TMEM74: variants seen among roughly 807,000 people sequenced by gnomAD.
TMEM74 encodes transmembrane protein 74.
Under a neutral mutation model 18.1 loss-of-function variants are expected in TMEM74, and 13 were observed. That is an observed-to-expected ratio of 0.72 (90% confidence interval 0.47 to 1.14). The LOEUF is 1.14. Among genes scored for constraint, TMEM74 ranks in the 50% most tolerant of loss-of-function variants. The probability of loss-of-function intolerance (pLI) is 0.00; values close to 1 mark genes in which losing one functional copy is unlikely to be tolerated. For missense variants in TMEM74, 372 were observed against 375.9 expected, an observed-to-expected ratio of 0.99 and a Z score of 0.09; for synonymous variants, 159 against 146.6, an observed-to-expected ratio of 1.08 and a Z score of -0.61.
At chr8:108,766,189 G>T (rs1217685765) in intron 1 of TMEM74, among the ~76,000 whole-genome samples, 1 of 151,022 alleles carries the variant, frequency 6.6e-6, no homozygotes, top group Non-Finnish European at 1.5e-5. Flanking sequence ...TAATTTGGGG[G>T]TTATTTCTCC....
intron 1 of TMEM74, among the ~76,000 whole-genome samples, chr8:108,750,636 C>T (rs926746870): frequency 2.0e-5 from 3 of 152,060 alleles, no homozygotes; most frequent in South Asian, 2.1e-4. Flanking sequence ...TGGGCATACA[C>T]ATTAAGAGAC....
At position 108,784,838 on chromosome 8, in the gene TMEM74, G is replaced by A. The variant is rs1441777138; in HGVS notation, c.261C>T (p.His87=). 6.2e-7 allele frequency: 1 copy of A among 1,614,224 alleles called. No individual in the cohort carries two copies. The highest frequency in any genetic ancestry group is 1.7e-5 in the Admixed American group (1 of 60,022). Reference sequence around the variant, plus strand: ...CCGCTGTTATTTGGTTGTTCCCTGAGTGGAGAAGTCCTGGTGGAAAGGCAT... The same window carrying A: ...CCGCTGTTATTTGGTTGTTCCCTGAATGGAGAAGTCCTGGTGGAAAGGCAT... ...QPDAFPPGLL[H]SGNNQITAER... Residue 87 remains histidine, a synonymous_variant, in exon 2 of 2, where the codon CAC becomes CAT. Coordinates refer to ENST00000297459, the MANE Select transcript of TMEM74 (RefSeq NM_153015.3).
chr8:108,721,308 T>G (rs2935791), intron 1 of TMEM74, among the ~76,000 whole-genome samples: 2 of 152,038 alleles, frequency 1.3e-5, no homozygotes, highest in Non-Finnish European at 1.5e-5. Flanking sequence ...TAGAATCTTA[T>G]CAAATTCCAG....
rs1814269806 is a variant in TMEM74 at position 108,778,981 on chromosome 8, T to C, written c.*5200A>G. On this transcript the variant is annotated 3_prime_UTR_variant, in exon 2 of 2. Transcript: ENST00000297459. ...AAGAATGACAAACCTAAATTAGGGG[T>C]AAATATTCATTTTAATTTTTTTGGA... is the stretch of plus-strand genomic sequence containing the variant. Among the ~76,000 whole-genome samples, 1 of 152,154 alleles carries C rather than the reference T, an allele frequency of 6.6e-6. No individual in the cohort carries two copies. The highest frequency in any genetic ancestry group is 2.4e-5 in the African/African-American group (1 of 41,458).
intron 1 of TMEM74, among the ~76,000 whole-genome samples, chr8:108,719,216 C>T (rs1291750100): frequency 2.0e-5 from 3 of 152,158 alleles, no homozygotes; most frequent in African/African-American, 7.2e-5. Flanking sequence ...CGCATAAACA[C>T]ACAAACATTT....
intron 1 of TMEM74, among the ~76,000 whole-genome samples, chr8:108,676,307 C>A (rs758789124): frequency 1.4e-4 from 21 of 152,302 alleles, no homozygotes; most frequent in South Asian, 1.2e-3. Context: ...AAAATCCCTC[C>A]AATGGGACCC....
intron 1 of TMEM74, among the ~76,000 whole-genome samples, chr8:108,658,719 A>G (rs995628936): frequency 1.3e-5 from 2 of 152,186 alleles, no homozygotes; most frequent in African/African-American, 4.8e-5. Flanking sequence ...TAATGTTGTA[A>G]TCTCTGGCAA....
intron 2 of TMEM74, among the ~76,000 whole-genome samples, chr8:108,642,450 G>C (rs1019585486): frequency 2.0e-5 from 3 of 151,130 alleles, no homozygotes; most frequent in African/African-American, 7.3e-5. Flanking sequence ...TGATACATCT[G>C]TTAATTGCTT....
At chr8:108,703,565 G>C (rs963916860) in intron 1 of TMEM74, among the ~76,000 whole-genome samples, 1 of 152,150 alleles carries the variant, frequency 6.6e-6, no homozygotes, top group East Asian at 1.9e-4. Context: ...CTGCATTAGG[G>C]TCATAGAAGG....
At chr8:108,756,687 A>AAAG (rs1813974422) in intron 1 of TMEM74, among the ~76,000 whole-genome samples, 1 of 113,728 alleles carries the variant, frequency 8.8e-6, no homozygotes, top group Non-Finnish European at 1.8e-5. Flanking sequence ...AAAGAAAGAA[A>AAAG]GAAAGAAAGA....
chr8:108,631,874 A>G (rs3019387), intron 2 of TMEM74, among the ~76,000 whole-genome samples: 31,976 of 152,046 alleles, frequency 0.21, 3,409 homozygotes, highest in East Asian at 0.27. Flanking sequence ...GGGGGTGTAG[A>G]TAGTTAGATT....
chr8:108,771,728 G>A (rs1315143053), intron 1 of TMEM74, among the ~76,000 whole-genome samples: 1 of 152,036 alleles, frequency 6.6e-6, no homozygotes, highest in Admixed American at 6.6e-5. Flanking sequence ...TGAGATATGA[G>A]GTTTTTTTGG....
intron 1 of TMEM74, among the ~76,000 whole-genome samples, chr8:108,684,540 G>A (rs552796014): frequency 6.6e-6 from 1 of 151,860 alleles, no homozygotes; most frequent in Admixed American, 6.6e-5. Context: ...GTTTCACTCT[G>A]CTGACTGTTT....
chr8:108,619,226 A>T (rs920722133), intron 2 of TMEM74, among the ~76,000 whole-genome samples: 4 of 152,242 alleles, frequency 2.6e-5, no homozygotes, highest in Non-Finnish European at 5.9e-5. Flanking sequence ...TAGAAAATAA[A>T]ATACTGCTTT....
At chr8:108,786,242 T>A (rs1045148132) in intron 1 of TMEM74, among the ~76,000 whole-genome samples, 5 of 152,226 alleles carry the variant, frequency 3.3e-5, no homozygotes, top group African/African-American at 1.2e-4. Context: ...AAGGGGCATT[T>A]CTGGGAGAGA....
At chr8:108,731,639 G>A (rs1813696498) in intron 1 of TMEM74, among the ~76,000 whole-genome samples, 1 of 152,134 alleles carries the variant, frequency 6.6e-6, no homozygotes, top group African/African-American at 2.4e-5. Context: ...TCTGTCTTAT[G>A]CTAAGCCTGT....
chr8:108,705,954 T>A (rs1016393858), intron 1 of TMEM74, among the ~76,000 whole-genome samples: 1 of 152,240 alleles, frequency 6.6e-6, no homozygotes, highest in Non-Finnish European at 1.5e-5. Flanking sequence ...CTTGGAAGGA[T>A]TCTTTTGCTA....
At chr8:108,775,838 G>A (rs555799887), downstream of TMEM74, among the ~76,000 whole-genome samples, 4 of 152,268 alleles carry the variant, frequency 2.6e-5, no homozygotes, top group East Asian at 1.9e-4. Flanking sequence ...ACCCTCTTCC[G>A]GCTCTGGTAC....
chr8:108,688,126 A>G (rs988214838), intron 1 of TMEM74, among the ~76,000 whole-genome samples: 1 of 152,246 alleles, frequency 6.6e-6, no homozygotes, highest in Admixed American at 6.5e-5. Context: ...TCAGTTTAGC[A>G]AAACTTAAAG....
Sources: allele counts gnomAD v4.1 joint callset (sites outside exome capture counted in the v4.1 genomes callset), GRCh38; gene constraint gnomAD v4.1.1; transcripts MANE v1.5; gene names NCBI Gene and HGNC (gene_info 2026-07-23, HGNC 2026-07-21).